USP13: variants seen among roughly 807,000 people sequenced by gnomAD.
The protein encoded by USP13 is ubiquitin carboxyl-terminal hydrolase 13.
USP13 carries 68 observed loss-of-function variants against 107.8 expected under a neutral mutation model. The ratio of observed to expected loss-of-function variants is 0.63; its 90% CI spans 0.52 to 0.77. The LOEUF (loss-of-function observed/expected upper bound fraction) is 0.77, where lower values mean the gene tolerates loss of function less well. USP13 is among the 30% of genes least tolerant of loss of function. USP13 has a pLI of 0.00. For synonymous variants in USP13, 377 were observed against 389.5 expected, an observed-to-expected ratio of 0.97 and a Z score of 0.38; for missense variants, 945 against 1,093.3, an observed-to-expected ratio of 0.86 and a Z score of 1.91.
intron 5 of USP13, 147 bp downstream of exon 5, chr3:179,707,223 G>A (rs1462333910): frequency 2.6e-6 from 3 of 1,160,628 alleles, no homozygotes; most frequent in Non-Finnish European, 3.5e-6. Flanking sequence ...CTCTAAAATT[G>A]TCTGTAGCTT....
chr3:179,769,749 G>GTT (rs1485280356), intron 19 of USP13, among the ~76,000 whole-genome samples: 1 of 152,136 alleles, frequency 6.6e-6, no homozygotes, highest in Non-Finnish European at 1.5e-5. Context: ...ATTCACAGAA[G>GTT]TACAGCATAT....
intron 4 of USP13, among the ~76,000 whole-genome samples, chr3:179,706,105 T>C (rs1319150680): frequency 5.5e-5 from 8 of 146,382 alleles, no homozygotes; most frequent in African/African-American, 2.0e-4. Context: ...TCATTTCTCT[T>C]GGATATATAC....
chr3:179,706,403 G>A (rs1712720153), intron 4 of USP13, among the ~76,000 whole-genome samples: 1 of 152,158 alleles, frequency 6.6e-6, no homozygotes, highest in Non-Finnish European at 1.5e-5. Flanking sequence ...GACTAATCTG[G>A]CACAGAGACA....
At chr3:179,766,674 A>G (rs1191630750) in intron 19 of USP13, among the ~76,000 whole-genome samples, 1 of 152,208 alleles carries the variant, frequency 6.6e-6, no homozygotes, top group Non-Finnish European at 1.5e-5. Context: ...TTTGCATATC[A>G]ACACTCATGT....
intron 8 of USP13, among the ~76,000 whole-genome samples, chr3:179,723,477 GTACA>G (rs1713398878): frequency 6.6e-6 from 1 of 152,128 alleles, no homozygotes; most frequent in African/African-American, 2.4e-5. Flanking sequence ...TATAAACATG[GTACA>G]TTCCATGATG....
At chr3:179,681,505 A>G (rs1184617091) in intron 1 of USP13, among the ~76,000 whole-genome samples, 1 of 152,202 alleles carries the variant, frequency 6.6e-6, no homozygotes, top group Non-Finnish European at 1.5e-5. Flanking sequence ...ACTATCACAA[A>G]GAGATAAATG....
intron 17 of USP13, among the ~76,000 whole-genome samples, chr3:179,762,599 C>CAAT (rs1715045958): frequency 6.6e-6 from 1 of 151,960 alleles, no homozygotes; most frequent in African/African-American, 2.4e-5. Flanking sequence ...ATAATAATAA[C>CAAT]AATAATAATA....
intron 2 of USP13, among the ~76,000 whole-genome samples, chr3:179,688,585 T>A (rs1043242280): frequency 6.6e-6 from 1 of 152,200 alleles, no homozygotes; most frequent in African/African-American, 2.4e-5. Context: ...GCAGAGGTGA[T>A]GGTCTTTAGA....
chr3:179,706,917 C>G lies in USP13; in HGVS notation c.478-17C>G, dbSNP rs372168068. 2 of 1,600,762 alleles carry G rather than the reference C, an allele frequency of 1.2e-6. No homozygotes were observed. Among genetic ancestry groups the G allele is most frequent in the Non-Finnish European group, 8.5e-7 (1 of 1,175,846 alleles). On this transcript the variant is annotated splice_polypyrimidine_tract_variant and intron_variant, in intron 4 of 20. Transcript: ENST00000263966. ...CTCAAACTGTTTTTATATATTACAT[C>G]TGGGTTTGTCTTATAGGTAACAATT...
chr3:179,700,726 T>A (rs1028010906), intron 3 of USP13, among the ~76,000 whole-genome samples: 6 of 152,244 alleles, frequency 3.9e-5, no homozygotes, highest in Admixed American at 2.6e-4. Context: ...CTTCTGAGAA[T>A]TGAGTATCTT....
chr3:179,702,308 C>T (rs1317026745), intron 4 of USP13, among the ~76,000 whole-genome samples: 1 of 152,268 alleles, frequency 6.6e-6, no homozygotes, highest in African/African-American at 2.4e-5. Flanking sequence ...CGTGAGCCAC[C>T]GCGCCCGGCC....
Position 179,788,762 on chromosome 3 carries a change from G to T in USP13, c.*4621G>T, listed in dbSNP as rs1174747004. On this transcript the variant is annotated 3_prime_UTR_variant, in exon 21 of 21. Coordinates refer to ENST00000263966, the MANE Select transcript of USP13 (RefSeq NM_003940.3). The stretch of plus-strand genomic sequence containing the variant: ...GACAGCCCCACTCTAGACTTACATG[G>T]TGTGGGGTAGGCAGTGAAATCCGTA... The T allele has an allele frequency of 6.6e-6, 1 of 152,126 alleles. No individual in the cohort carries two copies. Among genetic ancestry groups the T allele is most frequent in the Admixed American group, 6.5e-5 (1 of 15,274 alleles). 9.4% of individuals were successfully genotyped at this position (152,126 alleles called of 1,614,324 possible).
At chr3:179,763,261 CT>C (rs1324249897) in intron 17 of USP13, among the ~76,000 whole-genome samples, 1 of 151,744 alleles carries the variant, frequency 6.6e-6, no homozygotes, top group Non-Finnish European at 1.5e-5. Flanking sequence ...ATCACTTGTG[CT>C]TTTTGTGTTG....
rs529413884 is a variant in USP13 at position 179,742,482 on chromosome 3, C to T, written c.1534+132C>T. The T allele has an allele frequency of 3.8e-5, 41 of 1,071,642 alleles. No individual in the cohort carries two copies. In the African/African-American group the frequency reaches 6.2e-4, roughly 16 times the overall value. 66.4% of individuals were successfully genotyped at this position (1,071,642 alleles called of 1,614,324 possible). On this transcript the variant is annotated intron_variant, in intron 12 of 20. Transcript: ENST00000263966. The surrounding 1 kb of genome is among the most constrained non-coding windows in gnomAD (Gnocchi z 5.0). ...CCCAGGTGATGTCTGCTTTGCACAT[C>T]TCTTTTCATCTCTTTGTTAGTTCCC...
rs139301515 is a variant in USP13, at chr3:179,739,626, C to T, written c.1255-621C>T. 7.7e-3 allele frequency among the ~76,000 whole-genome samples: 1,169 copies of T among 151,302 alleles called. 13 individuals are homozygous for T. Among genetic ancestry groups the T allele is most frequent in the African/African-American group, 0.027 (1,105 of 41,152 alleles). ...AGGCTGGAGTGCAATGGTGTGATCTCGGCTCACTGCAACCTTCACCTCCCG... is the reference window on the plus strand; with the variant it reads ...AGGCTGGAGTGCAATGGTGTGATCTTGGCTCACTGCAACCTTCACCTCCCG... On this transcript the variant is annotated intron_variant, in intron 10 of 20. Coordinates refer to ENST00000263966, the MANE Select transcript of USP13 (RefSeq NM_003940.3).
At chr3:179,687,059 T>C (rs1390411786) in intron 2 of USP13, among the ~76,000 whole-genome samples, 1 of 152,236 alleles carries the variant, frequency 6.6e-6, no homozygotes, top group Non-Finnish European at 1.5e-5. Context: ...AACCACTTTC[T>C]CTAAGCTGAT....
chr3:179,780,922 C>G (rs1273044478), intron 19 of USP13, among the ~76,000 whole-genome samples: 1 of 152,174 alleles, frequency 6.6e-6, no homozygotes, highest in Non-Finnish European at 1.5e-5. Context: ...CTCTCATTTA[C>G]TCTAAAGTCT....
intron 1 of USP13, among the ~76,000 whole-genome samples, chr3:179,677,867 T>C (rs1711522671): frequency 6.6e-6 from 1 of 152,206 alleles, no homozygotes; most frequent in Non-Finnish European, 1.5e-5. Context: ...TTCTTCCTCC[T>C]GCTTGTTTTC....
At chr3:179,694,810 A>G (rs1486099862) in intron 3 of USP13, among the ~76,000 whole-genome samples, 3 of 151,446 alleles carry the variant, frequency 2.0e-5, no homozygotes, top group Admixed American at 6.6e-5. Context: ...AAAAAAAAAA[A>G]AAAAAAAAAA....
Sources: gnomAD v4.1 joint callset for allele counts (sites outside exome capture counted in the v4.1 genomes callset) on GRCh38, gnomAD v4.1.1 for gene constraint, Gnocchi (gnomAD v3.1) non-coding constraint, MANE v1.5 for transcripts, NCBI Gene and HGNC (gene_info 2026-07-23, HGNC 2026-07-21) for gene names.